SCAF8: variants seen among roughly 807,000 people sequenced by gnomAD.
SCAF8 encodes the protein SR-related and CTD-associated factor 8.
SCAF8 carries 23 observed loss-of-function variants against 140.5 expected under a neutral mutation model. The ratio of observed to expected loss-of-function variants is 0.16; its 90% CI spans 0.12 to 0.23. The LOEUF (loss-of-function observed/expected upper bound fraction) is 0.23. SCAF8 is among the 10% of genes least tolerant of loss of function. The pLI, the probability that SCAF8 is intolerant of heterozygous loss-of-function variation, is 1.00. For synonymous variants in SCAF8, 575 were observed against 528.9 expected, an observed-to-expected ratio of 1.09 and a Z score of -1.20; for missense variants, 1,397 against 1,555.7, an observed-to-expected ratio of 0.90 and a Z score of 1.72.
intron 3 of SCAF8, among the ~76,000 whole-genome samples, chr6:154,784,117 T>TGAGAGAGA (rs1476096909): frequency 1.1e-5 from 1 of 88,870 alleles, no homozygotes; most frequent in Non-Finnish European, 2.2e-5. Context: ...TCTGGTGTCT[T>TGAGAGAGA]GAGATATATA....
intron 1 of SCAF8, among the ~76,000 whole-genome samples, chr6:154,736,014 G>A (rs1398920708): frequency 1.3e-5 from 2 of 151,714 alleles, no homozygotes; most frequent in African/African-American, 4.8e-5. Flanking sequence ...TTTATAGAGA[G>A]GAGGTCTTGT....
At position 154,733,871 on chromosome 6, in the gene SCAF8, C is replaced by T. The variant is rs778933396; in HGVS notation, c.-30C>T. 54 of 1,544,526 alleles carry T rather than the reference C, an allele frequency of 3.5e-5. No individual in the cohort carries two copies. Among genetic ancestry groups the T allele is most frequent in the Middle Eastern group, 1.7e-4 (1 of 5,784 alleles). ...GTGCAGTGGCCGCCGCCTCTTCCGCCGCCGGGCTCGGGGCCTCCGCAGCGA... is the reference window on the plus strand; with the variant it reads ...GTGCAGTGGCCGCCGCCTCTTCCGCTGCCGGGCTCGGGGCCTCCGCAGCGA... On this transcript the variant is annotated 5_prime_UTR_variant, in exon 1 of 20. Transcript: ENST00000367178.
intron 18 of SCAF8, among the ~76,000 whole-genome samples, chr6:154,830,157 TTTAA>T (rs1778690031): frequency 6.6e-6 from 1 of 152,198 alleles, no homozygotes; most frequent in Non-Finnish European, 1.5e-5. Context: ...TGCTGTCTCA[TTTAA>T]TTCTCTTAAT....
chr6:154,792,170 A>G (rs1777439164), intron 4 of SCAF8, among the ~76,000 whole-genome samples: 1 of 152,146 alleles, frequency 6.6e-6, no homozygotes, highest in African/African-American at 2.4e-5. Flanking sequence ...ATAGTAAAGA[A>G]TAAAGAAGAG....
intron 1 of SCAF8, among the ~76,000 whole-genome samples, chr6:154,770,741 C>A (rs1776737061): frequency 6.6e-6 from 1 of 152,070 alleles, no homozygotes; most frequent in Non-Finnish European, 1.5e-5. Context: ...TTTGGTTAAA[C>A]TGGTTTTTGT....
chr6:154,788,761 A>T (rs1195850318), intron 4 of SCAF8, among the ~76,000 whole-genome samples: 1 of 152,214 alleles, frequency 6.6e-6, no homozygotes, highest in East Asian at 1.9e-4. Flanking sequence ...CCAAATGTGT[A>T]AATATTCTAT....
chr6:154,792,765 G>A (rs1410249099), intron 4 of SCAF8, 58 bp from the exon 5 acceptor site: 10 of 1,219,024 alleles, frequency 8.2e-6, no homozygotes, highest in African/African-American at 1.5e-5. Context: ...TCTATGAAAT[G>A]ACTGTACTAA....
At chr6:154,751,230 CA>C (rs1056846229) in intron 1 of SCAF8, among the ~76,000 whole-genome samples, 6 of 151,000 alleles carry the variant, frequency 4.0e-5, no homozygotes, top group Non-Finnish European at 7.4e-5. Flanking sequence ...CTAAAAACCA[CA>C]TTTTTTTTTT....
chr6:154,734,051 C>G (rs550699995), intron 1 of SCAF8, 121 bp downstream of exon 1: 1 of 1,357,128 alleles, frequency 7.4e-7, no homozygotes, highest in African/African-American at 1.5e-5. Flanking sequence ...GAGCGGTGGC[C>G]TAGCAGTGCC....
At chr6:154,795,527 T>C (rs1017118920) in intron 6 of SCAF8, among the ~76,000 whole-genome samples, 5 of 152,158 alleles carry the variant, frequency 3.3e-5, no homozygotes, top group Non-Finnish European at 5.9e-5. Flanking sequence ...TAAGAAAGGG[T>C]AAATCTATAG....
chr6:154,756,015 A>G (rs1778957881), intron 1 of SCAF8, among the ~76,000 whole-genome samples: 1 of 152,236 alleles, frequency 6.6e-6, no homozygotes, highest in African/African-American at 2.4e-5. Flanking sequence ...TATTTCACTT[A>G]CATTTTCTTA....
intron 1 of SCAF8, among the ~76,000 whole-genome samples, chr6:154,734,634 C>T (rs1431451847): frequency 1.3e-5 from 2 of 152,164 alleles, no homozygotes; most frequent in Non-Finnish European, 2.9e-5. Context: ...CTGGTTCATT[C>T]ACGTGTCAAA....
chr6:154,801,426 C>T lies in SCAF8; in HGVS notation c.607-545C>T, dbSNP rs142168752. On this transcript the variant is annotated intron_variant, in intron 6 of 19. Coordinates refer to ENST00000367178, the MANE Select transcript of SCAF8 (RefSeq NM_014892.5). ...TAGGGTTTTCTTATTTATAGAATCT[C>T]TTAAAGATCTCACTGTTGTGTCTGT... Among the ~76,000 whole-genome samples the T allele has an allele frequency of 6.6e-5, 10 of 151,470 alleles. No individual in the cohort carries two copies. The East Asian group carries it at 1.9e-3, about 29-fold the overall frequency.
chr6:154,792,467 G>A (rs762880100), intron 4 of SCAF8, among the ~76,000 whole-genome samples: 1 of 152,122 alleles, frequency 6.6e-6, no homozygotes, highest in Admixed American at 6.5e-5. Context: ...TAAATATAAC[G>A]TTAGTACTGA....
At chr6:154,770,519 G>A (rs1776724641) in intron 1 of SCAF8, among the ~76,000 whole-genome samples, 1 of 151,676 alleles carries the variant, frequency 6.6e-6, no homozygotes, top group South Asian at 2.1e-4. Context: ...TGCAGTGATC[G>A]GTGCTTATGC....
chr6:154,743,104 A>G (rs1778613063), intron 1 of SCAF8, among the ~76,000 whole-genome samples: 1 of 152,190 alleles, frequency 6.6e-6, no homozygotes, highest in Admixed American at 6.5e-5. Flanking sequence ...CTGTGCAGGC[A>G]TTACTGACTC....
intron 3 of SCAF8, among the ~76,000 whole-genome samples, chr6:154,784,302 C>T (rs1006559122): frequency 1.3e-5 from 2 of 151,578 alleles, no homozygotes; most frequent in Non-Finnish European, 2.9e-5. Flanking sequence ...TCCAGATTCT[C>T]ACTTTTCATA....
At chr6:154,773,653 G>A (rs1043583099) in intron 1 of SCAF8, among the ~76,000 whole-genome samples, 15 of 152,282 alleles carry the variant, frequency 9.9e-5, no homozygotes, top group East Asian at 5.8e-4. Flanking sequence ...TGGGTCTTAC[G>A]TTAACTGTGT....
intron 3 of SCAF8, among the ~76,000 whole-genome samples, chr6:154,785,560 A>G (rs1016652767): frequency 1.3e-5 from 2 of 152,164 alleles, no homozygotes; most frequent in Non-Finnish European, 2.9e-5. Flanking sequence ...CACCATTAGT[A>G]TTATTCAGTG....
Sources: allele counts gnomAD v4.1 joint callset (sites outside exome capture counted in the v4.1 genomes callset), GRCh38; gene constraint gnomAD v4.1.1; transcripts MANE v1.5; gene names NCBI Gene and HGNC (gene_info 2026-07-23, HGNC 2026-07-21).